The following CLPB variants were observed in gnomAD, a reference collection of about 807,000 sequenced individuals.
The protein encoded by CLPB is mitochondrial disaggregase.
A neutral mutation model predicts 78.4 loss-of-function variants in CLPB; 40 were observed. The ratio of observed to expected loss-of-function variants is 0.51; its 90% confidence interval spans 0.40 to 0.66. The LOEUF (loss-of-function observed/expected upper bound fraction) is 0.66, where lower values mean the gene tolerates loss of function less well. CLPB is among the 30% of genes least tolerant of loss of function. The pLI is 0.00. For synonymous variants in CLPB, 333 were observed against 348.0 expected (o/e 0.96, Z 0.48); for missense variants, 780 against 886.9 (o/e 0.88, Z 1.53).
intron 9 of CLPB, 115 bp from the exon 10 acceptor site, chr11:72,302,463 ATCT>A (rs1439220422): frequency 3.5e-6 from 3 of 857,604 alleles, no homozygotes; most frequent in East Asian, 4.9e-5. Context: ...CCAACATAAG[ATCT>A]TCTATCTCAC....
intron 4 of CLPB, among the ~76,000 whole-genome samples, chr11:72,374,354 G>A (rs1409223105): frequency 1.3e-5 from 2 of 152,176 alleles, no homozygotes; most frequent in Non-Finnish European, 2.9e-5. Context: ...ATTTACTCAA[G>A]ATCACACATC....
intron 4 of CLPB, chr11:72,359,343 A>G (rs1264941629): frequency 7.7e-6 from 3 of 391,028 alleles, no homozygotes; most frequent in Non-Finnish European, 1.5e-5. Flanking sequence ...TGTTAGAGGT[A>G]TAATAGGAGA....
intron 5 of CLPB, among the ~76,000 whole-genome samples, chr11:72,349,661 T>C (rs1172980384): frequency 6.6e-6 from 1 of 152,184 alleles, no homozygotes; most frequent in African/African-American, 2.4e-5. Context: ...AAAGCTGCAG[T>C]GTGGTCCTTT....
At chr11:72,352,226 T>C (rs1252815669) in intron 5 of CLPB, among the ~76,000 whole-genome samples, 1 of 152,242 alleles carries the variant, frequency 6.6e-6, no homozygotes, top group Admixed American at 6.5e-5. Context: ...TATTCCATTG[T>C]GTGACCATCC....
chr11:72,286,823 G>T lies in CLPB; in HGVS notation c.*6544C>A, dbSNP rs1239549229. The T allele has an allele frequency of 6.6e-6, 1 of 151,946 alleles. No individual in the cohort carries two copies. The highest frequency in any genetic ancestry group is 2.4e-5 in the African/African-American group (1 of 41,340). The allele number at this position is 151,946 out of a possible 1,614,324, so 9.4% of individuals were successfully genotyped here. A position where few individuals can be genotyped will look rare whatever the true frequency, so the allele number is the denominator to read the frequency against. ...TCCGTGTGTGTGTGTGTGTGTGTGT[G>T]TGTGTGTGTAGTTATCTGAAATACT... On this transcript the variant is annotated 3_prime_UTR_variant, in exon 16 of 16. Coordinates refer to ENST00000538039, the MANE Select transcript of CLPB (RefSeq NM_001258392.3).
intron 7 of CLPB, among the ~76,000 whole-genome samples, chr11:72,315,048 C>T (rs1241603730): frequency 6.6e-6 from 1 of 151,926 alleles, no homozygotes; most frequent in Non-Finnish European, 1.5e-5. Flanking sequence ...CTGCCTGGTT[C>T]AGATAGGAGA....
At chr11:72,424,817 C>T (rs971215736) in intron 2 of CLPB, among the ~76,000 whole-genome samples, 12 of 151,752 alleles carry the variant, frequency 7.9e-5, no homozygotes, top group African/African-American at 2.9e-4. Context: ...ACCCGGGTGG[C>T]GGAGTTTGCA....
intron 1 of CLPB, among the ~76,000 whole-genome samples, chr11:72,432,509 A>T (rs770875065): frequency 3.9e-5 from 6 of 152,076 alleles, no homozygotes; most frequent in Non-Finnish European, 8.8e-5. Context: ...AACGACACAT[A>T]GCACCACTCA....
At chr11:72,371,229 A>G (rs1344253589) in intron 4 of CLPB, among the ~76,000 whole-genome samples, 1 of 152,000 alleles carries the variant, frequency 6.6e-6, no homozygotes, top group African/African-American at 2.4e-5. Context: ...ACACCTGGCT[A>G]ATTAAAAAAT....
chr11:72,297,870 G>A (rs1207533906), intron 11 of CLPB, among the ~76,000 whole-genome samples: 1 of 152,102 alleles, frequency 6.6e-6, no homozygotes, highest in Non-Finnish European at 1.5e-5. Flanking sequence ...CCTGAGGATG[G>A]GTCCCAGGTG....
chr11:72,377,741 G>A (rs1854760573), intron 4 of CLPB, among the ~76,000 whole-genome samples: 1 of 151,950 alleles, frequency 6.6e-6, no homozygotes, highest in Non-Finnish European at 1.5e-5. Context: ...AAGAAATTAT[G>A]TAACCTTGAA....
chr11:72,395,692 C>T (rs1047720298), intron 3 of CLPB, among the ~76,000 whole-genome samples: 9 of 152,198 alleles, frequency 5.9e-5, no homozygotes, highest in African/African-American at 2.2e-4. Flanking sequence ...CTCTACAGCA[C>T]GAAGCCAGAC....
At chr11:72,317,652 CCTTT>C (rs1346733923) in intron 6 of CLPB, among the ~76,000 whole-genome samples, 1 of 152,230 alleles carries the variant, frequency 6.6e-6, no homozygotes, top group Non-Finnish European at 1.5e-5. Context: ...AGTATAAATT[CCTTT>C]CTCTTTCCTC....
chr11:72,423,040 A>AT (rs950995993), intron 2 of CLPB, among the ~76,000 whole-genome samples: 7 of 152,058 alleles, frequency 4.6e-5, no homozygotes, highest in African/African-American at 1.7e-4. Flanking sequence ...ACCAAATCAG[A>AT]TTTTTTTCCC....
chr11:72,366,704 T>C (rs368291755), intron 4 of CLPB, among the ~76,000 whole-genome samples: 3 of 152,262 alleles, frequency 2.0e-5, no homozygotes, highest in African/African-American at 4.8e-5. Context: ...CACAATGAGA[T>C]ACCATCTCGC....
At chr11:72,365,608 C>A (rs1015031723) in intron 4 of CLPB, among the ~76,000 whole-genome samples, 2 of 152,168 alleles carry the variant, frequency 1.3e-5, no homozygotes, top group African/African-American at 4.8e-5. Flanking sequence ...CCAAAGCAAT[C>A]CTAAGCAAAA....
chr11:72,424,667 G>A (rs966993489), intron 2 of CLPB, among the ~76,000 whole-genome samples: 3 of 152,088 alleles, frequency 2.0e-5, no homozygotes, highest in African/African-American at 4.8e-5. Context: ...AGGCCGAGGC[G>A]GGCGGATCAC....
At chr11:72,350,001 C>T (rs748889965) in intron 5 of CLPB, among the ~76,000 whole-genome samples, 6 of 152,224 alleles carry the variant, frequency 3.9e-5, no homozygotes, top group South Asian at 4.1e-4. Context: ...TGATGAAATG[C>T]GGGGGCCTGG....
intron 5 of CLPB, among the ~76,000 whole-genome samples, chr11:72,330,879 A>G (rs531398907): frequency 6.6e-6 from 1 of 152,292 alleles, no homozygotes; most frequent in South Asian, 2.1e-4. Context: ...GTTAAGACTC[A>G]GTCCCTGCCA....
Sources: allele counts gnomAD v4.1 joint callset (sites outside exome capture counted in the v4.1 genomes callset), GRCh38; gene constraint gnomAD v4.1.1; transcripts MANE v1.5; gene names NCBI Gene and HGNC (gene_info 2026-07-23, HGNC 2026-07-21).